The following ANKS1B variants were observed in gnomAD, a reference collection of about 807,000 sequenced individuals.
ANKS1B encodes ankyrin repeat and sterile alpha motif domain-containing protein 1B.
ANKS1B carries 36 observed loss-of-function variants against 148.3 expected under a neutral mutation model. That is an observed-to-expected ratio of 0.24 (90% confidence interval 0.19 to 0.32). The LOEUF is 0.32. Among genes scored for constraint, ANKS1B ranks in the 10% least tolerant of loss-of-function variants. The pLI is 1.00. For synonymous variants in ANKS1B, 542 were observed against 560.8 expected (o/e 0.97, Z 0.47); for missense variants, 1,157 against 1,542.6 (o/e 0.75, Z 4.19).
At position 98,737,208 on chromosome 12, in the gene ANKS1B, C is replaced by G. The variant is rs1036138621; in HGVS notation, c.691-1574G>C. Reference sequence around the variant, plus strand: ...GCCCTTCTGCATGATCTTTCCAGAGCACTCATCTGAATCACATTAAACTTC... The same window carrying G: ...GCCCTTCTGCATGATCTTTCCAGAGGACTCATCTGAATCACATTAAACTTC... On this transcript the variant is annotated intron_variant, in intron 9 of 9. Transcript: ENST00000341752. 3.3e-5 allele frequency among the ~76,000 whole-genome samples: 5 copies of G among 152,302 alleles called. No homozygotes were observed. In the East Asian group the frequency reaches 9.6e-4, roughly 29 times the overall value.
chr12:99,073,002 T>C, intron 16 of ANKS1B, among the ~76,000 whole-genome samples: 1 of 152,226 alleles, frequency 6.6e-6, no homozygotes. Context: ...GTCGTAATTT[T>C]CAATACAATT....
At chr12:99,060,690 CACACACACACAT>C (rs1250754598) in intron 16 of ANKS1B, among the ~76,000 whole-genome samples, 4 of 100,984 alleles carry the variant, frequency 4.0e-5, no homozygotes, top group African/African-American at 1.2e-4. Flanking sequence ...CACACACACA[CACACACACACAT>C]ATATATAGAG....
intron 1 of ANKS1B, among the ~76,000 whole-genome samples, chr12:99,906,356 CTCTT>C (rs1565971339): frequency 1.3e-5 from 2 of 152,222 alleles, no homozygotes; most frequent in African/African-American, 4.8e-5. Flanking sequence ...CCATATTACT[CTCTT>C]TGTGACTTTG....
chr12:99,476,650 G>A (rs2096327023), intron 10 of ANKS1B, among the ~76,000 whole-genome samples: 1 of 152,152 alleles, frequency 6.6e-6, no homozygotes. Flanking sequence ...AAATAAAAAT[G>A]TGATATCTAT....
At chr12:98,773,297 C>G (rs1181902406) in intron 24 of ANKS1B, 118 bp from the exon 25 acceptor site, 3 of 1,155,334 alleles carry the variant, frequency 2.6e-6, no homozygotes, top group Non-Finnish European at 3.6e-6. Flanking sequence ...TCTAGACTAG[C>G]AACACTCAAA....
chr12:99,532,869 T>C (rs894053146), intron 9 of ANKS1B, among the ~76,000 whole-genome samples: 2 of 152,198 alleles, frequency 1.3e-5, no homozygotes, highest in East Asian at 1.9e-4. Flanking sequence ...TCAATTCTGT[T>C]ACATTTGTCT....
chr12:99,076,944 A>G (rs1488913464), intron 16 of ANKS1B, among the ~76,000 whole-genome samples: 2 of 152,222 alleles, frequency 1.3e-5, no homozygotes, highest in South Asian at 2.1e-4. Flanking sequence ...ACATATGGCC[A>G]GCAGAGTATA....
At chr12:99,046,070 C>G (rs1393653004) in intron 17 of ANKS1B, among the ~76,000 whole-genome samples, 1 of 152,150 alleles carries the variant, frequency 6.6e-6, no homozygotes, top group Admixed American at 6.5e-5. Flanking sequence ...GATTTGAAAA[C>G]TATTCAAATT....
At chr12:99,238,318 A>G (rs1282204515) in intron 14 of ANKS1B, among the ~76,000 whole-genome samples, 1 of 152,224 alleles carries the variant, frequency 6.6e-6, no homozygotes, top group Non-Finnish European at 1.5e-5. Context: ...TCTGAGATCA[A>G]CATGCAATGC....
At chr12:99,250,025 T>A (rs2074369337) in intron 12 of ANKS1B, among the ~76,000 whole-genome samples, 1 of 152,214 alleles carries the variant, frequency 6.6e-6, no homozygotes, top group South Asian at 2.1e-4. Context: ...CCGAGAGGCA[T>A]GCCACATTAT....
At chr12:99,104,635 C>A (rs2058731321) in intron 15 of ANKS1B, 2 of 152,152 alleles carry the variant, frequency 1.3e-5, no homozygotes, top group African/African-American at 4.8e-5. Context: ...CCAAATAAAT[C>A]CTTGTGGAAT....
At chr12:98,955,312 C>A (rs1357456) in intron 17 of ANKS1B, among the ~76,000 whole-genome samples, 52,546 of 151,950 alleles carry the variant, frequency 0.35, 12,051 homozygotes, top group African/African-American at 0.65. Flanking sequence ...TGAGGGAAGA[C>A]CTTCCCAGAG....
chr12:99,002,625 A>G (rs1386490280), intron 17 of ANKS1B, among the ~76,000 whole-genome samples: 2 of 151,862 alleles, frequency 1.3e-5, no homozygotes, highest in Non-Finnish European at 2.9e-5. Flanking sequence ...CATGTTGGCC[A>G]TTTGTATGTC....
intron 8 of ANKS1B, among the ~76,000 whole-genome samples, chr12:99,703,438 T>C (rs1168609809): frequency 3.3e-5 from 5 of 152,200 alleles, no homozygotes; most frequent in East Asian, 1.9e-4. Context: ...AATGTTTTTA[T>C]ATTTTGACTG....
intron 15 of ANKS1B, among the ~76,000 whole-genome samples, chr12:99,100,722 G>T (rs2057697805): frequency 6.6e-6 from 1 of 152,150 alleles, no homozygotes. Flanking sequence ...TAAAGATTGG[G>T]TTTTGCCATG....
intron 1 of ANKS1B, among the ~76,000 whole-genome samples, chr12:99,884,339 T>C (rs2092710640): frequency 6.6e-6 from 1 of 152,198 alleles, no homozygotes; most frequent in Non-Finnish European, 1.5e-5. Flanking sequence ...TTGGAAAAGT[T>C]TGGCAGTTTC....
rs937942787 is a variant in ANKS1B at position 98,751,830 on chromosome 12, C to A, written c.3580-308G>T. 1.3e-5 allele frequency among the ~76,000 whole-genome samples: 2 copies of A among 152,150 alleles called. No individual in the cohort carries two copies. The highest frequency in any genetic ancestry group is 2.9e-5 in the Non-Finnish European group (2 of 68,014). ...ATTCTATTCCTAAATAAGATAGCTACAAAGATAAAAAAGCTACATACCTCC... is the reference window on the plus strand; with the variant it reads ...ATTCTATTCCTAAATAAGATAGCTAAAAAGATAAAAAAGCTACATACCTCC... On this transcript the variant is annotated intron_variant, in intron 25 of 26. Transcript: ENST00000683438. This position sits in a 1 kb window ranked among gnomAD's most constrained non-coding sequence, Gnocchi z 4.3.
chr12:98,737,314 T>C (rs1438011673), intron 9 of ANKS1B, among the ~76,000 whole-genome samples: 1 of 152,222 alleles, frequency 6.6e-6, no homozygotes, highest in African/African-American at 2.4e-5. Context: ...GTGTACACTG[T>C]TTTCTCTATG....
chr12:99,184,878 A>G (rs1259048793), intron 14 of ANKS1B, among the ~76,000 whole-genome samples: 1 of 152,244 alleles, frequency 6.6e-6, no homozygotes, highest in Non-Finnish European at 1.5e-5. Flanking sequence ...TGCTTATATC[A>G]CAAGATTGCT....
Sources: gnomAD v4.1 joint callset for allele counts (sites outside exome capture counted in the v4.1 genomes callset) on GRCh38, gnomAD v4.1.1 for gene constraint, Gnocchi (gnomAD v3.1) non-coding constraint, MANE v1.5 for transcripts, NCBI Gene and HGNC (gene_info 2026-07-23, HGNC 2026-07-21) for gene names.